Variants in CDH12 observed in about 807,000 individuals in gnomAD.
CDH12 encodes the protein cadherin-12.
A neutral mutation model predicts 74.1 loss-of-function variants in CDH12; 41 were observed. That is an observed-to-expected ratio of 0.55 (90% CI 0.43 to 0.72). The LOEUF is 0.72. Among genes scored for constraint, CDH12 ranks in the 30% least tolerant of loss-of-function variants. The pLI is 0.00. For synonymous variants in CDH12, 399 were observed against 355.0 expected, an observed-to-expected ratio of 1.12 and a Z score of -1.39; for missense variants, 945 against 977.2, an observed-to-expected ratio of 0.97 and a Z score of 0.44.
chr5:22,678,038 T>C (rs1002098876), intron 1 of CDH12, among the ~76,000 whole-genome samples: 4 of 83,228 alleles, frequency 4.8e-5, no homozygotes, highest in South Asian at 4.2e-4. Flanking sequence ...TCCTATACCA[T>C]CCTCATGGGG....
intron 1 of CDH12, among the ~76,000 whole-genome samples, chr5:22,670,031 A>G (rs2126911661): frequency 6.6e-6 from 1 of 152,270 alleles, no homozygotes; most frequent in African/African-American, 2.4e-5. Context: ...GCCAAAATGT[A>G]TGTAACAGGA....
At chr5:22,126,042 T>G (rs1000437412) in intron 4 of CDH12, among the ~76,000 whole-genome samples, 10 of 151,822 alleles carry the variant, frequency 6.6e-5, no homozygotes, top group Non-Finnish European at 1.5e-4. Context: ...ATATTGTCCT[T>G]TTTTTCTAAT....
chr5:22,480,201 G>A (rs1746330331), intron 2 of CDH12, among the ~76,000 whole-genome samples: 1 of 151,850 alleles, frequency 6.6e-6, no homozygotes, highest in African/African-American at 2.4e-5. Context: ...GTTATTTTTA[G>A]GACATCATTT....
intron 5 of CDH12, among the ~76,000 whole-genome samples, chr5:22,011,375 T>C (rs1487633301): frequency 1.3e-5 from 2 of 152,234 alleles, no homozygotes; most frequent in Admixed American, 6.5e-5. Context: ...CTTAAAGTTA[T>C]TGTTGATGGC....
At chr5:21,870,153 T>C (rs1193093671) in intron 6 of CDH12, among the ~76,000 whole-genome samples, 1 of 152,184 alleles carries the variant, frequency 6.6e-6, no homozygotes, top group African/African-American at 2.4e-5. Flanking sequence ...TTGTGAAGCT[T>C]CCCCAGCCAT....
At chr5:22,794,468 G>T (rs1748086419) in intron 1 of CDH12, among the ~76,000 whole-genome samples, 1 of 152,220 alleles carries the variant, frequency 6.6e-6, no homozygotes, top group African/African-American at 2.4e-5. Flanking sequence ...GCGGAGTCTG[G>T]GTCCACAGTC....
At chr5:21,815,343 G>C (rs1246887434) in intron 9 of CDH12, among the ~76,000 whole-genome samples, 1 of 152,034 alleles carries the variant, frequency 6.6e-6, no homozygotes, top group Non-Finnish European at 1.5e-5. Flanking sequence ...GGGAGGAAAT[G>C]GCTGAACTAA....
intron 2 of CDH12, among the ~76,000 whole-genome samples, chr5:22,434,628 A>T (rs1744306164): frequency 6.6e-6 from 1 of 152,164 alleles, no homozygotes; most frequent in African/African-American, 2.4e-5. Context: ...TTATCATCAT[A>T]TTAACCATGC....
At chr5:22,814,511 C>G (rs935488381) in intron 1 of CDH12, among the ~76,000 whole-genome samples, 7 of 151,980 alleles carry the variant, frequency 4.6e-5, no homozygotes, top group Non-Finnish European at 4.4e-5. Context: ...AAATGCCACG[C>G]ACATGTCCTA....
At chr5:21,783,768 C>G (rs191015470) in intron 10 of CDH12, among the ~76,000 whole-genome samples, 3 of 152,060 alleles carry the variant, frequency 2.0e-5, no homozygotes, top group Admixed American at 2.0e-4. Context: ...TAAAGCTGAC[C>G]ATGAGTTTCC....
intron 3 of CDH12, among the ~76,000 whole-genome samples, chr5:22,364,609 A>T (rs1740955259): frequency 6.6e-6 from 1 of 152,186 alleles, no homozygotes; most frequent in Non-Finnish European, 1.5e-5. Flanking sequence ...AACATTTATA[A>T]CAATGGTGTG....
chr5:22,460,890 T>G (rs1479965508), intron 2 of CDH12, among the ~76,000 whole-genome samples: 1 of 150,588 alleles, frequency 6.6e-6, no homozygotes, highest in Non-Finnish European at 1.5e-5. Flanking sequence ...CTGGCTAGTA[T>G]TTGTATTTTT....
intron 5 of CDH12, among the ~76,000 whole-genome samples, chr5:21,997,605 C>T (rs1231500774): frequency 5.3e-5 from 8 of 152,052 alleles, no homozygotes; most frequent in Non-Finnish European, 4.4e-5. Context: ...GATATTTCTC[C>T]ATGGAAAACT....
In CDH12 at chr5:22,747,635, G is replaced by GA. The variant is rs201643563; in HGVS notation, c.-523+105422dup. ...AAAAAAAAAAAAAAAGAGAAGAAAA[G>GA]AAAAAAAAGTAGTAAATAATGAAAC... On this transcript the variant is annotated intron_variant, in intron 1 of 14. Transcript: ENST00000382254. Among the ~76,000 whole-genome samples, 1,099 of 141,528 alleles carry GA rather than the reference G, an allele frequency of 7.8e-3. 7 individuals are homozygous for GA. The highest frequency in any genetic ancestry group is 0.023 in the Middle Eastern group (6 of 266). 92.8% of individuals were successfully genotyped at this position (141,528 alleles called of 152,430 possible).
At chr5:22,002,110 G>A (rs1736640205) in intron 5 of CDH12, among the ~76,000 whole-genome samples, 1 of 152,108 alleles carries the variant, frequency 6.6e-6, no homozygotes, top group African/African-American at 2.4e-5. Context: ...ATATGTAAAA[G>A]AGAGACTCCA....
intron 10 of CDH12, among the ~76,000 whole-genome samples, chr5:21,795,835 A>G (rs77019195): frequency 0.029 from 4,459 of 152,052 alleles, 188 homozygotes; most frequent in African/African-American, 0.095. Context: ...ATTGAAAAGG[A>G]CCTTCAAATG....
At chr5:21,989,703 T>C (rs1268076321) in intron 5 of CDH12, among the ~76,000 whole-genome samples, 3 of 152,224 alleles carry the variant, frequency 2.0e-5, no homozygotes, top group Non-Finnish European at 4.4e-5. Flanking sequence ...TTTAACACAT[T>C]ATGTTTAACA....
chr5:22,298,453 T>C (rs1485755360), intron 3 of CDH12, among the ~76,000 whole-genome samples: 1 of 152,158 alleles, frequency 6.6e-6, no homozygotes, highest in African/African-American at 2.4e-5. Context: ...TATATTATTG[T>C]ATAATATTCC....
intron 1 of CDH12, among the ~76,000 whole-genome samples, chr5:22,636,447 C>T (rs1438047890): frequency 6.6e-6 from 1 of 151,978 alleles, no homozygotes; most frequent in African/African-American, 2.4e-5. Context: ...TAGATAAATG[C>T]AATATTGTAT....
Sources: allele counts gnomAD v4.1 joint callset (sites outside exome capture counted in the v4.1 genomes callset), GRCh38; gene constraint gnomAD v4.1.1; transcripts MANE v1.5; gene names NCBI Gene and HGNC (gene_info 2026-07-23, HGNC 2026-07-21).